The following SYNRG variants were observed in gnomAD, a reference collection of about 807,000 sequenced individuals.
SYNRG encodes the protein synergin gamma, also known as AP1 gamma subunit binding protein 1.
A neutral mutation model predicts 130.9 loss-of-function variants in SYNRG; 37 were observed. That is an observed-to-expected ratio of 0.28 (90% CI 0.22 to 0.37). The LOEUF (loss-of-function observed/expected upper bound fraction) is 0.37, where lower values mean the gene tolerates loss of function less well. SYNRG is among the 10% of genes least tolerant of loss of function. The pLI is 1.00. For synonymous variants in SYNRG, 539 were observed against 568.1 expected, an observed-to-expected ratio of 0.95 and a Z score of 0.73; for missense variants, 1,338 against 1,588.9, an observed-to-expected ratio of 0.84 and a Z score of 2.68.
rs560200607 is a variant in SYNRG at position 37,541,214 on chromosome 17, G to C, written c.3203-671C>G. ...TCATTTGTTATGGATTTGTAACCGA[G>C]TTCCTTCACAGTCTCTCAATCCAGT... On this transcript the variant is annotated intron_variant, in intron 15 of 21. Coordinates refer to ENST00000612223, the MANE Select transcript of SYNRG (RefSeq NM_007247.6). 134 of 985,388 alleles carry C rather than the reference G, an allele frequency of 1.4e-4. No individual in the cohort carries two copies. In the African/African-American group the frequency reaches 2.3e-3, roughly 17 times the overall value. 61.0% of individuals were successfully genotyped at this position (985,388 alleles called of 1,614,324 possible).
chr17:37,578,167 T>C (rs1264971690), intron 6 of SYNRG, among the ~76,000 whole-genome samples: 1 of 151,614 alleles, frequency 6.6e-6, no homozygotes, highest in Non-Finnish European at 1.5e-5. Context: ...CCATCTCTAC[T>C]AAAAATACAA....
intron 13 of SYNRG, among the ~76,000 whole-genome samples, chr17:37,559,331 G>C (rs1041028386): frequency 6.6e-6 from 1 of 151,820 alleles, no homozygotes; most frequent in Non-Finnish European, 1.5e-5. Context: ...TGAGTGAAAG[G>C]CTAAAAAAAA....
intron 13 of SYNRG, among the ~76,000 whole-genome samples, chr17:37,560,023 G>C (rs933995725): frequency 2.0e-5 from 3 of 151,954 alleles, no homozygotes; most frequent in Admixed American, 1.3e-4. Flanking sequence ...TCAGCCTCTG[G>C]AATAGCTGGG....
rs180687443 is a variant in SYNRG at position 37,589,443 on chromosome 17, C to G, written c.241-2894G>C. Among the ~76,000 whole-genome samples, 82 of 152,232 alleles carry G rather than the reference C, an allele frequency of 5.4e-4. 1 individual carries two copies. Among genetic ancestry groups the G allele is most frequent in the Admixed American group, 4.7e-3 (72 of 15,280 alleles). On this transcript the variant is annotated intron_variant, in intron 3 of 21. Transcript: ENST00000612223. ...ATATTACAGGAATAATCATAGAAAT[C>G]AATAAATTAAAAATGGGCTATTTAG...
intron 3 of SYNRG, among the ~76,000 whole-genome samples, chr17:37,588,969 G>A (rs540089295): frequency 6.6e-6 from 1 of 152,302 alleles, no homozygotes; most frequent in South Asian, 2.1e-4. Flanking sequence ...AGGAGGGACT[G>A]TCTAACTTTT....
At chr17:37,584,021 T>A (rs1213432786) in intron 6 of SYNRG, among the ~76,000 whole-genome samples, 1 of 152,190 alleles carries the variant, frequency 6.6e-6, no homozygotes, top group African/African-American at 2.4e-5. Flanking sequence ...TTAAAAATAA[T>A]GTGGTAACAA....
intron 3 of SYNRG, among the ~76,000 whole-genome samples, chr17:37,593,556 G>A (rs145381607): frequency 1.3e-5 from 2 of 152,182 alleles, no homozygotes; most frequent in African/African-American, 4.8e-5. Context: ...TCGGGGTGGG[G>A]GGAAATAAAA....
chr17:37,549,321 GT>G (rs765819782), intron 14 of SYNRG, among the ~76,000 whole-genome samples: 1 of 151,836 alleles, frequency 6.6e-6, no homozygotes, highest in East Asian at 1.9e-4. Flanking sequence ...TATTCTCAAG[GT>G]TTTTTTACTG....
intron 10 of SYNRG, among the ~76,000 whole-genome samples, chr17:37,570,072 T>C (rs1184587023): frequency 6.6e-6 from 1 of 151,966 alleles, no homozygotes; most frequent in African/African-American, 2.4e-5. Context: ...CTTTGCTAAT[T>C]CGAGTTACTA....
intron 13 of SYNRG, among the ~76,000 whole-genome samples, chr17:37,558,849 G>A (rs978904746): frequency 5.3e-5 from 8 of 152,158 alleles, no homozygotes; most frequent in East Asian, 1.9e-4. Context: ...GTTGTGGCCC[G>A]AGCTTTGAAC....
chr17:37,555,333 C>G lies in SYNRG; in HGVS notation c.1664-1274G>C, dbSNP rs371581395. On this transcript the variant is annotated intron_variant, in intron 13 of 21. Transcript: ENST00000612223. ...GTAGAGACGGGGTTTCACCACGTCA[C>G]GTAGGCTGGTTTTGAACTCCTGACC... Among the ~76,000 whole-genome samples the G allele has an allele frequency of 2.3e-4, 35 of 152,206 alleles. 1 individual carries two copies. The highest frequency in any genetic ancestry group is 6.5e-4 in the African/African-American group (27 of 41,512).
At chr17:37,595,994 A>T (rs186672503) in intron 3 of SYNRG, among the ~76,000 whole-genome samples, 11 of 152,322 alleles carry the variant, frequency 7.2e-5, no homozygotes, top group Non-Finnish European at 1.5e-4. Flanking sequence ...ACCTCAAGTG[A>T]TCTGCCCGCC....
chr17:37,590,941 G>A (rs1008165667), intron 3 of SYNRG, among the ~76,000 whole-genome samples: 1 of 152,026 alleles, frequency 6.6e-6, no homozygotes, highest in East Asian at 1.9e-4. Context: ...TATAAACACC[G>A]AATTCATGAT....
chr17:37,589,100 A>G (rs1044995483), intron 3 of SYNRG, among the ~76,000 whole-genome samples: 3 of 152,238 alleles, frequency 2.0e-5, no homozygotes, highest in African/African-American at 4.8e-5. Flanking sequence ...TTGATAAACT[A>G]CTGATGGCAC....
intron 3 of SYNRG, among the ~76,000 whole-genome samples, chr17:37,594,809 T>A (rs141655204): frequency 7.6e-4 from 115 of 152,308 alleles, no homozygotes; most frequent in African/African-American, 2.2e-3. Context: ...GTGGTTTACA[T>A]TCGTCCTGGT....
At chr17:37,566,657 A>G (rs1194556635) in intron 11 of SYNRG, among the ~76,000 whole-genome samples, 1 of 152,012 alleles carries the variant, frequency 6.6e-6, no homozygotes, top group Non-Finnish European at 1.5e-5. Context: ...AAAAAAAAGT[A>G]TCATATACGA....
At chr17:37,531,126 G>A (rs923161063) in intron 19 of SYNRG, among the ~76,000 whole-genome samples, 7 of 152,126 alleles carry the variant, frequency 4.6e-5, no homozygotes, top group African/African-American at 1.7e-4. Flanking sequence ...TCCCAGCTGT[G>A]GGAGGTTGAG....
chr17:37,558,544 C>T (rs540730680), intron 13 of SYNRG, among the ~76,000 whole-genome samples: 1 of 152,302 alleles, frequency 6.6e-6, no homozygotes, highest in East Asian at 1.9e-4. Flanking sequence ...ATATATGACT[C>T]CCAAATGATC....
At chr17:37,583,414 G>T in intron 6 of SYNRG, among the ~76,000 whole-genome samples, 1 of 151,376 alleles carries the variant, frequency 6.6e-6, no homozygotes, top group Non-Finnish European at 1.5e-5. Context: ...TTTTATTTTG[G>T]GGCATACTTT....
Sources: allele counts gnomAD v4.1 joint callset (sites outside exome capture counted in the v4.1 genomes callset), GRCh38; gene constraint gnomAD v4.1.1; transcripts MANE v1.5; gene names NCBI Gene and HGNC (gene_info 2026-07-23, HGNC 2026-07-21).